CNTN5: variants seen among roughly 807,000 people sequenced by gnomAD.
The protein encoded by CNTN5 is contactin-5.
In CNTN5, 77 loss-of-function variants were observed where a neutral mutation model predicts 129.1. That is an observed-to-expected ratio of 0.60 (90% CI 0.50 to 0.72). The LOEUF (loss-of-function observed/expected upper bound fraction) is 0.72. CNTN5 is among the 30% of genes least tolerant of loss of function. CNTN5 has a pLI of 0.00. For synonymous variants in CNTN5, 509 were observed against 465.6 expected (o/e 1.09, Z -1.20); for missense variants, 1,478 against 1,328.8 (o/e 1.11, Z -1.75).
chr11:99,062,982 T>C (rs1336531859), intron 1 of CNTN5, among the ~76,000 whole-genome samples: 3 of 151,950 alleles, frequency 2.0e-5, no homozygotes, highest in African/African-American at 4.8e-5. Context: ...AAGAAAAGAA[T>C]AAAAGTCTAG....
chr11:100,162,791 C>CTT (rs2138370281), intron 13 of CNTN5, among the ~76,000 whole-genome samples: 2 of 151,872 alleles, frequency 1.3e-5, no homozygotes, highest in African/African-American at 4.8e-5. Context: ...GTAATGAGAT[C>CTT]TTTGAATATA....
intron 2 of CNTN5, among the ~76,000 whole-genome samples, chr11:99,489,092 T>C (rs1415600559): frequency 6.6e-6 from 1 of 152,200 alleles, no homozygotes; most frequent in Non-Finnish European, 1.5e-5. Context: ...TTGCTTTTCT[T>C]TTCTCTTTAT....
chr11:99,582,403 TA>T (rs1398945550), intron 3 of CNTN5, among the ~76,000 whole-genome samples: 1 of 152,236 alleles, frequency 6.6e-6, no homozygotes, highest in Non-Finnish European at 1.5e-5. Context: ...TTCTCCTGGA[TA>T]ATATCCTGCA....
intron 15 of CNTN5, among the ~76,000 whole-genome samples, chr11:100,196,407 A>G (rs180791853): frequency 2.5e-3 from 384 of 152,130 alleles, no homozygotes; most frequent in Non-Finnish European, 3.7e-3. Flanking sequence ...TATCTTTTAT[A>G]CACAGACATT....
At chr11:99,641,061 G>A (rs140463612) in intron 3 of CNTN5, among the ~76,000 whole-genome samples, 1 of 152,274 alleles carries the variant, frequency 6.6e-6, no homozygotes, top group Non-Finnish European at 1.5e-5. Flanking sequence ...GTTAAGATTT[G>A]AAGTAAGTAC....
rs372552746 is a variant in CNTN5, at chr11:99,239,674, G to A, written c.-209-85672G>A. Among the ~76,000 whole-genome samples the A allele has an allele frequency of 2.4e-4, 36 of 152,284 alleles. No individual in the cohort carries two copies. The East Asian group carries it at 5.8e-3, about 25-fold the overall frequency. On this transcript the variant is annotated intron_variant, in intron 1 of 24. Transcript: ENST00000524871. ...CATAAGGCCGGGCGCGGTGGCTCAC[G>A]CCTGTAATCCCAGCACTTTGGGAGG...
intron 9 of CNTN5, among the ~76,000 whole-genome samples, chr11:100,020,827 T>C (rs1228714823): frequency 6.6e-6 from 1 of 151,904 alleles, no homozygotes; most frequent in Non-Finnish European, 1.5e-5. Context: ...TACAATAGCA[T>C]CAAAAAGATA....
chr11:99,860,435 A>T (rs1028935784), intron 6 of CNTN5, among the ~76,000 whole-genome samples: 8 of 152,114 alleles, frequency 5.3e-5, no homozygotes, highest in African/African-American at 1.9e-4. Flanking sequence ...TCTTATAGCT[A>T]TAGGTCTTAC....
At chr11:99,751,107 C>T (rs1270283299) in intron 3 of CNTN5, among the ~76,000 whole-genome samples, 1 of 152,138 alleles carries the variant, frequency 6.6e-6, no homozygotes, top group Non-Finnish European at 1.5e-5. Flanking sequence ...GAGGCTGAGG[C>T]AGGTCGATTG....
At chr11:100,154,041 G>A (rs529458820) in intron 13 of CNTN5, among the ~76,000 whole-genome samples, 1 of 151,838 alleles carries the variant, frequency 6.6e-6, no homozygotes. Context: ...AAGTTCTGGG[G>A]TACATGTGCA....
intron 2 of CNTN5, among the ~76,000 whole-genome samples, chr11:99,555,655 A>G (rs949927512): frequency 2.6e-5 from 4 of 151,944 alleles, no homozygotes; most frequent in Non-Finnish European, 5.9e-5. Context: ...GGAAGTTGAC[A>G]TTAATAATTA....
intron 1 of CNTN5, among the ~76,000 whole-genome samples, chr11:99,324,906 G>C (rs979358677): frequency 6.6e-6 from 1 of 152,094 alleles, no homozygotes; most frequent in African/African-American, 2.4e-5. Context: ...CTCCCAAAGT[G>C]CCTGGATTAC....
At chr11:99,378,836 A>G (rs1215059150) in intron 2 of CNTN5, among the ~76,000 whole-genome samples, 2 of 152,138 alleles carry the variant, frequency 1.3e-5, no homozygotes, top group Non-Finnish European at 1.5e-5. Flanking sequence ...TACAAACAGT[A>G]TGATATACAC....
chr11:99,590,166 A>T (rs1434056509), intron 3 of CNTN5, among the ~76,000 whole-genome samples: 1 of 152,180 alleles, frequency 6.6e-6, no homozygotes, highest in East Asian at 1.9e-4. Flanking sequence ...AAAGTGGAAA[A>T]AAAAGAGGAC....
intron 16 of CNTN5, among the ~76,000 whole-genome samples, chr11:100,239,028 A>T (rs1949683369): frequency 6.6e-6 from 1 of 152,186 alleles, no homozygotes; most frequent in East Asian, 1.9e-4. Flanking sequence ...TGTCATTAGG[A>T]TGAGCTGTGA....
At chr11:99,888,933 G>C (rs1194175556) in intron 6 of CNTN5, among the ~76,000 whole-genome samples, 1 of 152,084 alleles carries the variant, frequency 6.6e-6, no homozygotes, top group African/African-American at 2.4e-5. Flanking sequence ...GTTTTGAGTT[G>C]TCAAGAGGAA....
chr11:99,353,472 A>G (rs1351310807), intron 2 of CNTN5, among the ~76,000 whole-genome samples: 4 of 152,204 alleles, frequency 2.6e-5, no homozygotes, highest in East Asian at 3.9e-4. Context: ...TGGCCTATCC[A>G]TATGTTTCAC....
intron 1 of CNTN5, among the ~76,000 whole-genome samples, chr11:99,171,200 T>G (rs894049887): frequency 1.3e-5 from 2 of 152,156 alleles, no homozygotes; most frequent in African/African-American, 4.8e-5. Flanking sequence ...AAAAATGTAT[T>G]TCATAGATAC....
intron 7 of CNTN5, among the ~76,000 whole-genome samples, chr11:99,924,683 G>C (rs989371413): frequency 6.6e-6 from 1 of 151,692 alleles, no homozygotes; most frequent in African/African-American, 2.4e-5. Flanking sequence ...TGGTTTATTT[G>C]CCCTCTTTTT....
Sources: gnomAD v4.1 joint callset for allele counts (sites outside exome capture counted in the v4.1 genomes callset) on GRCh38, gnomAD v4.1.1 for gene constraint, MANE v1.5 for transcripts, NCBI Gene and HGNC (gene_info 2026-07-23, HGNC 2026-07-21) for gene names.